The following KDM4C variants were observed in gnomAD, a reference collection of about 807,000 sequenced individuals.
KDM4C encodes lysine-specific demethylase 4C.
In KDM4C, 81 loss-of-function variants were observed where a neutral mutation model predicts 129.3. That is an observed-to-expected ratio of 0.63 (90% CI 0.52 to 0.75). The LOEUF is 0.75. Ranked by LOEUF, KDM4C falls within the 30% of genes least tolerant of loss-of-function variation. The probability of loss-of-function intolerance (pLI) is 0.00; values close to 1 mark genes in which losing one functional copy is unlikely to be tolerated. For missense variants in KDM4C, 1,457 were observed against 1,304.0 expected (o/e 1.12, Z -1.81); for synonymous variants, 573 against 456.1 (o/e 1.26, Z -3.26).
chr9:6,915,307 G>T (rs959417609), intron 8 of KDM4C, among the ~76,000 whole-genome samples: 1 of 152,182 alleles, frequency 6.6e-6, no homozygotes, highest in Non-Finnish European at 1.5e-5. Context: ...AGGTGCTTCA[G>T]ATTTCCTGTG....
At chr9:6,930,154 T>C (rs1486363967) in intron 8 of KDM4C, among the ~76,000 whole-genome samples, 1 of 152,208 alleles carries the variant, frequency 6.6e-6, no homozygotes, top group Non-Finnish European at 1.5e-5. Flanking sequence ...ATTAAATTAT[T>C]AGCAGTCAGC....
At chr9:6,842,362 G>C (rs1425624935) in intron 4 of KDM4C, among the ~76,000 whole-genome samples, 2 of 140,230 alleles carry the variant, frequency 1.4e-5, no homozygotes, top group Non-Finnish European at 3.0e-5. Context: ...TGTCACCTAG[G>C]CTGGAATGCA....
At chr9:6,812,177 C>A (rs541090813) in intron 3 of KDM4C, among the ~76,000 whole-genome samples, 18 of 150,592 alleles carry the variant, frequency 1.2e-4, no homozygotes, top group Admixed American at 1.3e-4. Flanking sequence ...GCGGAGGTTG[C>A]ATTGAGCCGA....
At chr9:7,070,936 T>C (rs1833106416) in intron 17 of KDM4C, among the ~76,000 whole-genome samples, 1 of 152,018 alleles carries the variant, frequency 6.6e-6, no homozygotes, top group Non-Finnish European at 1.5e-5. Flanking sequence ...GTCCCAAAGG[T>C]TTACAAAAAA....
intron 6 of KDM4C, among the ~76,000 whole-genome samples, chr9:6,887,328 G>A (rs971110947): frequency 2.0e-5 from 3 of 152,200 alleles, no homozygotes; most frequent in Admixed American, 1.3e-4. Context: ...TTGAATGAAA[G>A]GGTTGTTGTA....
In KDM4C at chr9:7,128,070, C is replaced by G; in HGVS notation, c.2615C>G (p.Ser872Cys). Residue 872 changes from serine to cysteine, a missense_variant, in exon 19 of 22, where the codon TCC becomes TGC. Physicochemically the swap from Ser to Cys is moderately radical, Grantham distance 112. Coordinates refer to ENST00000381309, the MANE Select transcript of KDM4C (RefSeq NM_015061.6). ...TTTTTGTGTCCCTTCTTTTAGAAGTCCAAGGCTTGCGAGAAGGTCATTTCC... is the reference window on the plus strand; with the variant it reads ...TTTTTGTGTCCCTTCTTTTAGAAGTGCAAGGCTTGCGAGAAGGTCATTTCC... Reference protein sequence around the residue: ...FRHKVNPNVKSKACEKVISVG... With the variant: ...FRHKVNPNVKCKACEKVISVG... The G allele has an allele frequency of 1.3e-6, 2 of 1,554,198 alleles. No individual in the cohort carries two copies. Among genetic ancestry groups the G allele is most frequent in the Non-Finnish European group, 1.7e-6 (2 of 1,149,806 alleles).
intron 4 of KDM4C, among the ~76,000 whole-genome samples, chr9:6,832,094 T>A (rs569017033): frequency 6.6e-6 from 1 of 152,074 alleles, no homozygotes; most frequent in Non-Finnish European, 1.5e-5. Flanking sequence ...ATCCCAGCAC[T>A]CTGGGAGTCT....
intron 8 of KDM4C, chr9:6,925,464 C>G (rs1822315017): frequency 1.2e-6 from 1 of 805,632 alleles, no homozygotes. Context: ...CCCCTCTCCT[C>G]CCCTCTTTTC....
At chr9:6,894,872 G>A (rs1846609190) in intron 8 of KDM4C, among the ~76,000 whole-genome samples, 4 of 152,158 alleles carry the variant, frequency 2.6e-5, no homozygotes, top group African/African-American at 9.7e-5. Flanking sequence ...TGTAACATTA[G>A]GAAAGTCATT....
At chr9:6,820,263 G>C (rs1832793300) in intron 4 of KDM4C, among the ~76,000 whole-genome samples, 1 of 152,186 alleles carries the variant, frequency 6.6e-6, no homozygotes, top group Admixed American at 6.5e-5. Flanking sequence ...TGATGACTAA[G>C]TTCCAGTGAA....
intron 8 of KDM4C, among the ~76,000 whole-genome samples, chr9:6,901,148 G>A (rs1476453131): frequency 6.6e-6 from 1 of 152,182 alleles, no homozygotes; most frequent in African/African-American, 2.4e-5. Context: ...AAAGCAGTGG[G>A]CAGAACATGA....
chr9:6,981,473 A>G (rs1816752615), intron 9 of KDM4C, among the ~76,000 whole-genome samples: 1 of 151,998 alleles, frequency 6.6e-6, no homozygotes, highest in South Asian at 2.1e-4. Flanking sequence ...TTTTGCCACC[A>G]TTTTGCTTTT....
intron 17 of KDM4C, among the ~76,000 whole-genome samples, chr9:7,070,559 T>G (rs1340923150): frequency 6.6e-6 from 1 of 152,188 alleles, no homozygotes; most frequent in Non-Finnish European, 1.5e-5. Context: ...CTTATTTAAC[T>G]TTTTAAAATC....
chr9:7,026,853 C>A (rs575842597), intron 15 of KDM4C, among the ~76,000 whole-genome samples: 1 of 151,962 alleles, frequency 6.6e-6, no homozygotes, highest in Admixed American at 6.6e-5. Context: ...CCTTCTTCTG[C>A]TTGATCAGTT....
intron 8 of KDM4C, among the ~76,000 whole-genome samples, chr9:6,954,295 G>A (rs910048919): frequency 2.0e-5 from 3 of 152,120 alleles, no homozygotes; most frequent in Non-Finnish European, 2.9e-5. Context: ...ACTCGGTCAC[G>A]TCAATGTCTT....
Position 6,986,616 on chromosome 9 carries a change from G to C in KDM4C, c.1627G>C (p.Glu543Gln). ...CCATGGGAATGGCCTTGAACCTGGG[G>C]AAATCCCAGCGGTCCCCAGTGGAGA... ...ESHGNGLEPG[E>Q]IPAVPSGERN... The change falls in exon 11 of 22, where the codon GAA (glutamate) becomes CAA (glutamine). Residue 543 changes from glutamate (E) to glutamine (Q), a missense_variant. Physicochemically the swap from Glu to Gln is conservative, Grantham distance 29 (BLOSUM62 2). Transcript: ENST00000381309. The C allele has an allele frequency of 1.2e-6, 2 of 1,613,942 alleles. No homozygotes were observed. Among genetic ancestry groups the C allele is most frequent in the Non-Finnish European group, 1.7e-6 (2 of 1,179,872 alleles).
Position 6,758,555 on chromosome 9 carries a change from G to GT in KDM4C, c.-18+352_-18+353insT, listed in dbSNP as rs57399181. Among the ~76,000 whole-genome samples, 149,103 of 152,300 alleles carry GT rather than the reference G, an allele frequency of 0.98. 73,003 individuals carry two copies. The highest frequency in any genetic ancestry group is 1 in the East Asian group (5,148 of 5,148). On this transcript the variant is annotated intron_variant, in intron 1 of 21. Coordinates refer to ENST00000381309, the MANE Select transcript of KDM4C (RefSeq NM_015061.6). This position sits in a 1 kb window ranked among gnomAD's most constrained non-coding sequence, Gnocchi z 4.6. ...GCGGACCTCTTAACGCCGCCAGTCG[G>GT]CTGTGGCGGACTCCAGGAAGGCCGG...
chr9:6,920,552 G>GACTCCATTTCAAAAA (rs144597572), intron 8 of KDM4C, among the ~76,000 whole-genome samples: 1 of 87,560 alleles, frequency 1.1e-5, no homozygotes, highest in African/African-American at 3.4e-5. Flanking sequence ...AACAGAACAA[G>GACTCCATTTCAAAAA]AAAAAAAAAA....
intron 8 of KDM4C, among the ~76,000 whole-genome samples, chr9:6,951,825 G>T (rs1429789698): frequency 1.3e-5 from 2 of 152,146 alleles, no homozygotes; most frequent in Non-Finnish European, 2.9e-5. Context: ...CTTTGTATGT[G>T]AATTGGGTAT....
Sources: allele counts gnomAD v4.1 joint callset (sites outside exome capture counted in the v4.1 genomes callset), GRCh38; gene constraint gnomAD v4.1.1; non-coding constraint Gnocchi (gnomAD v3.1); transcripts MANE v1.5; gene names NCBI Gene and HGNC (gene_info 2026-07-23, HGNC 2026-07-21).